MDGA2: variants seen among roughly 807,000 people sequenced by gnomAD.
The protein encoded by MDGA2 is MAM domain-containing glycosylphosphatidylinositol anchor protein 2.
A neutral mutation model predicts 117.8 loss-of-function variants in MDGA2; 40 were observed. That is an observed-to-expected ratio of 0.34 (90% confidence interval 0.26 to 0.44). MDGA2 has a LOEUF of 0.44. Ranked by LOEUF, MDGA2 falls within the 20% of genes least tolerant of loss-of-function variation. The pLI is 1.00. For synonymous variants in MDGA2, 452 were observed against 439.0 expected (o/e 1.03, Z -0.37); for missense variants, 1,123 against 1,250.6 (o/e 0.90, Z 1.54).
chr14:47,400,413 A>G (rs1167826681), intron 1 of MDGA2, among the ~76,000 whole-genome samples: 1 of 152,050 alleles, frequency 6.6e-6, no homozygotes, highest in African/African-American at 2.4e-5. Flanking sequence ...TGTTCTCTCT[A>G]TCCCCTTATA....
chr14:47,383,983 T>TA (rs146001618), intron 1 of MDGA2, among the ~76,000 whole-genome samples: 2 of 141,674 alleles, frequency 1.4e-5, no homozygotes, highest in African/African-American at 5.3e-5. Flanking sequence ...AATAGATAGA[T>TA]GATAGATAGA....
chr14:46,985,627 T>C (rs1347107017), intron 8 of MDGA2, among the ~76,000 whole-genome samples: 3 of 152,068 alleles, frequency 2.0e-5, no homozygotes, highest in African/African-American at 7.2e-5. Context: ...AATTAAGCAA[T>C]AGAATATGGC....
chr14:46,885,803 G>A (rs2138402359), intron 10 of MDGA2, among the ~76,000 whole-genome samples: 1 of 152,240 alleles, frequency 6.6e-6, no homozygotes, highest in South Asian at 2.1e-4. Context: ...AAGTTCCACA[G>A]AAGTACTGCA....
At chr14:47,558,852 T>G (rs1036702476) in intron 1 of MDGA2, among the ~76,000 whole-genome samples, 3 of 152,198 alleles carry the variant, frequency 2.0e-5, no homozygotes, top group Admixed American at 2.0e-4. Flanking sequence ...GAATGCTGAT[T>G]AGATAATTTT....
chr14:47,500,020 A>T (rs1894367150), intron 1 of MDGA2, among the ~76,000 whole-genome samples: 1 of 152,172 alleles, frequency 6.6e-6, no homozygotes, highest in Non-Finnish European at 1.5e-5. Context: ...CGATTTAAAA[A>T]AAAATCTGCA....
chr14:46,920,736 G>T (rs946366235), intron 9 of MDGA2, among the ~76,000 whole-genome samples: 5 of 152,032 alleles, frequency 3.3e-5, no homozygotes, highest in African/African-American at 1.2e-4. Context: ...CTAAATTTGG[G>T]GAAAACTAAA....
chr14:47,223,299 C>T lies in MDGA2; in HGVS notation c.421-5104G>A, dbSNP rs186835656. Among the ~76,000 whole-genome samples the T allele has an allele frequency of 8.3e-4, 127 of 152,144 alleles. 1 individual carries two copies. The highest frequency in any genetic ancestry group is 2.9e-3 in the African/African-American group (120 of 41,524). Reference sequence around the variant, plus strand: ...AGAATACACACAGGAAAATATAAACCTTAAGTACCCTCTACATATTAAGGA... The same window carrying T: ...AGAATACACACAGGAAAATATAAACTTTAAGTACCCTCTACATATTAAGGA... On this transcript the variant is annotated intron_variant, in intron 2 of 16. Coordinates refer to ENST00000399232, the MANE Select transcript of MDGA2 (RefSeq NM_001113498.3).
intron 1 of MDGA2, among the ~76,000 whole-genome samples, chr14:47,455,227 C>A (rs1161385495): frequency 6.6e-6 from 1 of 152,042 alleles, no homozygotes; most frequent in South Asian, 2.1e-4. Context: ...GCATTGCAGT[C>A]GGGTGCGGTG....
At chr14:47,420,035 A>C (rs1892547557) in intron 1 of MDGA2, among the ~76,000 whole-genome samples, 1 of 152,186 alleles carries the variant, frequency 6.6e-6, no homozygotes, top group South Asian at 2.1e-4. Context: ...ACTTTATAAT[A>C]AGGATTAGTG....
At chr14:47,101,446 C>A (rs1208093502) in intron 5 of MDGA2, among the ~76,000 whole-genome samples, 4 of 152,152 alleles carry the variant, frequency 2.6e-5, no homozygotes, top group African/African-American at 9.7e-5. Flanking sequence ...CCTCTTGACA[C>A]CCACACCAAA....
chr14:47,635,435 G>A lies in MDGA2; in HGVS notation c.280+39082C>T, dbSNP rs543469738. On this transcript the variant is annotated intron_variant, in intron 1 of 16. Transcript: ENST00000399232. ...ATGACCTGACGTAGTATCTAACACA[G>A]AGCAGATGGTTTACAAATAATAATA... is the stretch of plus-strand genomic sequence containing the variant. 6.9e-4 allele frequency among the ~76,000 whole-genome samples: 105 copies of A among 152,102 alleles called. 1 individual carries two copies. Among genetic ancestry groups the A allele is most frequent in the African/African-American group, 2.3e-3 (95 of 41,518 alleles).
At chr14:47,589,299 G>T (rs1160320771) in intron 1 of MDGA2, among the ~76,000 whole-genome samples, 1 of 151,918 alleles carries the variant, frequency 6.6e-6, no homozygotes, top group Non-Finnish European at 1.5e-5. Context: ...TCTTCTAAAA[G>T]TTGTATAGTT....
chr14:47,061,200 A>G (rs774295116), intron 7 of MDGA2, 49 bp downstream of exon 7: 1 of 1,503,950 alleles, frequency 6.6e-7, no homozygotes, highest in African/African-American at 1.4e-5. Flanking sequence ...TTAAACTTCA[A>G]TCATTCTAAA....
rs1226388037 is a variant in MDGA2, at chr14:46,845,840, A to G, written c.2915T>C (p.Ile972Thr). Residue 972 changes from isoleucine to threonine, a missense_variant, in exon 16 of 17, where the codon ATA becomes ACA. Physicochemically the swap from Ile to Thr is moderately conservative, Grantham distance 89. Transcript: ENST00000399232. ...ATCATCAATAGCAATGTCACCTTCT[A>G]TTCCAGGACCTCGGATACCTTCAAA... ...LIFEGIRGPG[I>T]EGDIAIDDVS... 6.2e-7 allele frequency: 1 copy of G among 1,613,362 alleles called. No homozygotes were observed. The highest frequency in any genetic ancestry group is 8.5e-7 in the Non-Finnish European group (1 of 1,179,610).
rs3040345 is a variant in MDGA2 at position 47,609,428 on chromosome 14, C to CATATATATATATATATATAT, written c.280+65069_280+65088dup. 8.6e-3 allele frequency among the ~76,000 whole-genome samples: 150 copies of CATATATATATATATATATAT among 17,514 alleles called. 17 individuals carry two copies. The highest frequency in any genetic ancestry group is 0.011 in the Non-Finnish European group (82 of 7,188). The allele number at this position is 17,514 out of a possible 152,430, so 11.5% of individuals were successfully genotyped here. The stretch of plus-strand genomic sequence containing the variant: ...TTTCTATGGCTGAGTAGTATTCCAT[C>CATATATATATATATATATAT]ATATATATATATATATATATATATA... On this transcript the variant is annotated intron_variant, in intron 1 of 16. Transcript: ENST00000399232.
chr14:47,351,889 G>A (rs977254753), intron 1 of MDGA2, among the ~76,000 whole-genome samples: 6 of 139,088 alleles, frequency 4.3e-5, no homozygotes, highest in Non-Finnish European at 6.1e-5. Flanking sequence ...GATGTTATAT[G>A]CTCTCTAAAT....
intron 5 of MDGA2, among the ~76,000 whole-genome samples, chr14:47,104,937 C>G (rs1474692629): frequency 6.6e-6 from 1 of 152,184 alleles, no homozygotes; most frequent in African/African-American, 2.4e-5. Context: ...CTCTTAATTT[C>G]AATTCCTTTC....
chr14:47,512,215 C>T (rs1211322859), intron 1 of MDGA2, among the ~76,000 whole-genome samples: 3 of 151,984 alleles, frequency 2.0e-5, no homozygotes, highest in Non-Finnish European at 2.9e-5. Flanking sequence ...GAGTGTAAAA[C>T]GTTTCCTGTT....
chr14:47,243,866 C>G (rs1244749317), intron 2 of MDGA2, among the ~76,000 whole-genome samples: 1 of 151,806 alleles, frequency 6.6e-6, no homozygotes, highest in African/African-American at 2.4e-5. Context: ...ATAGGACATA[C>G]GTGTGATTGT....
Sources: gnomAD v4.1 joint callset for allele counts (sites outside exome capture counted in the v4.1 genomes callset) on GRCh38, gnomAD v4.1.1 for gene constraint, MANE v1.5 for transcripts, NCBI Gene and HGNC (gene_info 2026-07-23, HGNC 2026-07-21) for gene names.